The following DPP10 variants were observed in gnomAD, a reference collection of about 807,000 sequenced individuals.
The protein encoded by DPP10 is inactive dipeptidyl peptidase 10.
A neutral mutation model predicts 120.9 loss-of-function variants in DPP10; 33 were observed. The observed-to-expected ratio is 0.27, with a 90% CI of 0.21 to 0.37. The LOEUF is 0.37. Ranked by LOEUF, DPP10 falls within the 10% of genes least tolerant of loss-of-function variation. The pLI is 1.00. For missense variants in DPP10, 816 were observed against 942.8 expected (o/e 0.87, Z 1.76); for synonymous variants, 337 against 326.1 (o/e 1.03, Z -0.36).
intron 13 of DPP10, among the ~76,000 whole-genome samples, chr2:115,774,207 CAT>C (rs1181048614): frequency 8.4e-5 from 5 of 59,676 alleles, no homozygotes; most frequent in Middle Eastern, 0.01. Context: ...TTAAAACACA[CAT>C]ACACACACAC....
chr2:115,282,543 T>C (rs951372714), intron 1 of DPP10, among the ~76,000 whole-genome samples: 6 of 152,098 alleles, frequency 3.9e-5, no homozygotes, highest in African/African-American at 1.4e-4. Flanking sequence ...TAGAAACTGA[T>C]AGAATAGGGC....
At chr2:114,819,248 A>G (rs1478578794) in intron 1 of DPP10, among the ~76,000 whole-genome samples, 1 of 151,246 alleles carries the variant, frequency 6.6e-6, no homozygotes, top group Non-Finnish European at 1.5e-5. Flanking sequence ...AGGAAGTTTC[A>G]TAAAATAATT....
intron 3 of DPP10, among the ~76,000 whole-genome samples, chr2:115,366,968 G>A (rs954217983): frequency 6.6e-6 from 1 of 151,932 alleles, no homozygotes; most frequent in Non-Finnish European, 1.5e-5. Flanking sequence ...CTTATATCCC[G>A]CAATATGTGG....
intron 1 of DPP10, among the ~76,000 whole-genome samples, chr2:114,594,569 A>G (rs1451094930): frequency 1.4e-5 from 2 of 148,114 alleles, no homozygotes; most frequent in Non-Finnish European, 3.0e-5. Flanking sequence ...ATGTATACAT[A>G]TATACATATA....
At chr2:114,903,690 G>A (rs1693762661) in intron 1 of DPP10, among the ~76,000 whole-genome samples, 1 of 152,164 alleles carries the variant, frequency 6.6e-6, no homozygotes, top group African/African-American at 2.4e-5. Context: ...AACCATCATT[G>A]TGACTGTATT....
rs918284472 is a variant in DPP10 at position 115,544,768 on chromosome 2, T to A, written c.441+18796T>A. Among the ~76,000 whole-genome samples, 4 of 152,056 alleles carry A rather than the reference T, an allele frequency of 2.6e-5. No individual in the cohort carries two copies. The East Asian group carries it at 5.8e-4, about 22-fold the overall frequency. ...CCTCCTGAAAAGACTGAACTTTACCTACAGAGGGGTATAAACTGTTCCTCA... is the reference window on the plus strand; with the variant it reads ...CCTCCTGAAAAGACTGAACTTTACCAACAGAGGGGTATAAACTGTTCCTCA... On this transcript the variant is annotated intron_variant, in intron 5 of 25. Transcript: ENST00000410059.
chr2:115,054,625 A>T (rs1705755060), intron 1 of DPP10, among the ~76,000 whole-genome samples: 1 of 152,184 alleles, frequency 6.6e-6, no homozygotes, highest in Non-Finnish European at 1.5e-5. Flanking sequence ...AGAAATACAT[A>T]TTATAGGCCC....
At chr2:114,533,217 G>C (rs1686190379) in intron 1 of DPP10, among the ~76,000 whole-genome samples, 1 of 152,140 alleles carries the variant, frequency 6.6e-6, no homozygotes, top group Non-Finnish European at 1.5e-5. Context: ...GGTTGCCCTT[G>C]AATGGGGGGA....
intron 1 of DPP10, among the ~76,000 whole-genome samples, chr2:115,241,695 T>C (rs1245821609): frequency 6.6e-6 from 1 of 152,196 alleles, no homozygotes. Context: ...TAGCTTTTCA[T>C]TAGATGGATT....
intron 3 of DPP10, among the ~76,000 whole-genome samples, chr2:115,469,901 A>AAAAAAAAAAAAAG (rs1558709906): frequency 1.2e-4 from 9 of 74,650 alleles, no homozygotes; most frequent in Admixed American, 2.8e-4. Context: ...AAAAAAAAAG[A>AAAAAAAAAAAAAG]AAAAAAAAAA....
chr2:115,531,678 A>G (rs2078474063), intron 5 of DPP10, among the ~76,000 whole-genome samples: 1 of 152,096 alleles, frequency 6.6e-6, no homozygotes, highest in Non-Finnish European at 1.5e-5. Context: ...GTATTGAAAT[A>G]TAACATACCT....
In DPP10 at chr2:115,842,472, C is replaced by G; in HGVS notation, c.*127C>G. 1 of 1,106,390 alleles carries G rather than the reference C, an allele frequency of 9.0e-7. No individual in the cohort carries two copies. Among genetic ancestry groups the G allele is most frequent in the Non-Finnish European group, 1.2e-6 (1 of 804,342 alleles). 68.5% of individuals were successfully genotyped at this position (1,106,390 alleles called of 1,614,324 possible). On this transcript the variant is annotated 3_prime_UTR_variant, in exon 26 of 26. Coordinates refer to ENST00000410059, the MANE Select transcript of DPP10 (RefSeq NM_020868.6). ...ACGGAGATGTCACTGGAGCAGCACG[C>G]TCAGAGACAGTGAACTAGCATTTGA...
chr2:115,768,256 T>C (rs1382612688), intron 12 of DPP10, 41 bp from the exon 13 acceptor site: 1 of 1,573,612 alleles, frequency 6.4e-7, no homozygotes, highest in Non-Finnish European at 8.7e-7. Flanking sequence ...ACAGATTGCA[T>C]GTGCCTTTCT....
chr2:114,663,658 T>G (rs866999563), intron 1 of DPP10, among the ~76,000 whole-genome samples: 1,985 of 91,066 alleles, frequency 0.022, 27 homozygotes, highest in South Asian at 0.042. Flanking sequence ...TATATATATA[T>G]ATATATATAT....
intron 3 of DPP10, among the ~76,000 whole-genome samples, chr2:115,481,373 G>A (rs2075416894): frequency 1.3e-5 from 2 of 152,124 alleles, no homozygotes; most frequent in African/African-American, 2.4e-5. Context: ...TTGAAGCTAA[G>A]TAGAAAGGCA....
chr2:115,621,536 G>A (rs1434444910), intron 5 of DPP10, among the ~76,000 whole-genome samples: 1 of 151,846 alleles, frequency 6.6e-6, no homozygotes, highest in Non-Finnish European at 1.5e-5. Context: ...AACACTTAAG[G>A]GATATTTTTT....
chr2:114,905,263 G>A (rs942790411), intron 1 of DPP10, among the ~76,000 whole-genome samples: 1 of 151,868 alleles, frequency 6.6e-6, no homozygotes, highest in Non-Finnish European at 1.5e-5. Flanking sequence ...AAATTTGGGT[G>A]GGGGGAGTGG....
chr2:115,650,360 C>T (rs1280052598), intron 5 of DPP10, among the ~76,000 whole-genome samples: 1 of 140,848 alleles, frequency 7.1e-6, no homozygotes, highest in African/African-American at 2.7e-5. Context: ...CTTATCGTCT[C>T]GATCTTGAAG....
rs186316369 is a variant in DPP10 at position 114,917,312 on chromosome 2, T to C, written c.61-391927T>C. Among the ~76,000 whole-genome samples, 8 of 152,154 alleles carry C rather than the reference T, an allele frequency of 5.3e-5. No homozygotes were observed. The East Asian group carries it at 1.2e-3, about 22-fold the overall frequency. Reference sequence around the variant, plus strand: ...GAGTTACAAAACAGTCCTGAAAGAATTCAGAGACGACATAAACAAATGGAA... The same window carrying C: ...GAGTTACAAAACAGTCCTGAAAGAACTCAGAGACGACATAAACAAATGGAA... On this transcript the variant is annotated intron_variant, in intron 1 of 25. Coordinates refer to ENST00000410059, the MANE Select transcript of DPP10 (RefSeq NM_020868.6).
Sources: allele counts gnomAD v4.1 joint callset (sites outside exome capture counted in the v4.1 genomes callset), GRCh38; gene constraint gnomAD v4.1.1; transcripts MANE v1.5; gene names NCBI Gene and HGNC (gene_info 2026-07-23, HGNC 2026-07-21).